ALG5: variants seen among roughly 807,000 people sequenced by gnomAD.
The protein encoded by ALG5 is dolichyl-phosphate beta-glucosyltransferase.
ALG5 carries 26 observed loss-of-function variants against 51.8 expected under a neutral mutation model. That is an observed-to-expected ratio of 0.50 (90% CI 0.37 to 0.70). ALG5 has a LOEUF of 0.70. Among genes scored for constraint, ALG5 ranks in the 30% least tolerant of loss-of-function variants. ALG5 has a pLI of 0.00. For synonymous variants in ALG5, 141 were observed against 136.1 expected (o/e 1.04, Z -0.25); for missense variants, 311 against 399.3 (o/e 0.78, Z 1.88).
At chr13:36,950,636 G>C (rs2058813995) in intron 9 of ALG5, among the ~76,000 whole-genome samples, 1 of 151,676 alleles carries the variant, frequency 6.6e-6, no homozygotes, top group Non-Finnish European at 1.5e-5. Flanking sequence ...CTGTAGTGCA[G>C]TGACACGATT....
intron 6 of ALG5, among the ~76,000 whole-genome samples, chr13:36,984,461 A>AT (rs1411629724): frequency 6.6e-6 from 1 of 152,062 alleles, no homozygotes; most frequent in African/African-American, 2.4e-5. Context: ...GTGTTGCTAA[A>AT]TTCTTATTTT....
chr13:36,995,106 T>A, intron 2 of ALG5, 71 bp from the exon 3 acceptor site: 1 of 1,365,274 alleles, frequency 7.3e-7, no homozygotes, highest in South Asian at 1.2e-5. Context: ...TCAGCTTACA[T>A]ACAGAAAAAA....
chr13:36,956,937 CGAA>C (rs1222921800), intron 8 of ALG5, among the ~76,000 whole-genome samples: 1 of 152,044 alleles, frequency 6.6e-6, no homozygotes, highest in African/African-American at 2.4e-5. Context: ...CTCCAGGAAA[CGAA>C]GCCCCAGTAC....
chr13:36,995,335 T>C (rs1403158906), intron 2 of ALG5, 90 bp downstream of exon 2: 2 of 1,340,984 alleles, frequency 1.5e-6, no homozygotes, highest in Admixed American at 2.2e-5. Flanking sequence ...CATCTATTAA[T>C]GTTTTGGCAA....
chr13:36,995,681 C>T (rs2059046285), intron 1 of ALG5, 85 bp from the exon 2 acceptor site: 16 of 1,314,046 alleles, frequency 1.2e-5, no homozygotes, highest in Non-Finnish European at 1.7e-5. Context: ...ACATCATCTA[C>T]TTTTCTTTTA....
intron 6 of ALG5, among the ~76,000 whole-genome samples, chr13:36,981,367 A>G (rs563656158): frequency 6.6e-6 from 1 of 152,342 alleles, no homozygotes; most frequent in South Asian, 2.1e-4. Context: ...CAGTCACGTA[A>G]TTATAGGACT....
rs771324068 is a variant in ALG5 at position 36,995,588 on chromosome 13, G to A, written c.75C>T (p.Ile25=). Residue 25 remains isoleucine (I), a synonymous_variant, in exon 2 of 10, where the codon ATC becomes ATT. Coordinates refer to ENST00000239891, the MANE Select transcript of ALG5 (RefSeq NM_013338.5). ...TTTTTGTAGCAGTTGTAAATGCAAC[G>A]ATGGAAATCTAAAAGCAGACATACA... ...LAAAALVLIS[I]VAFTTATKMP... is the part of the protein sequence containing the mutation. 15 of 1,597,772 alleles carry A rather than the reference G, an allele frequency of 9.4e-6. No individual in the cohort carries two copies. Among genetic ancestry groups the A allele is most frequent in the South Asian group, 6.9e-5 (6 of 86,706 alleles).
chr13:36,978,409 ACTC>A (rs563772079), intron 6 of ALG5, among the ~76,000 whole-genome samples: 1 of 148,022 alleles, frequency 6.8e-6, no homozygotes, highest in African/African-American at 2.5e-5. Flanking sequence ...CTGGTCTCAA[ACTC>A]CTGACCTCGG....
intron 1 of ALG5, chr13:36,998,961 G>C (rs932771021): frequency 4.8e-5 from 16 of 336,490 alleles, no homozygotes; most frequent in Non-Finnish European, 7.5e-5. Context: ...CGATGGAAGC[G>C]GCGATGATGC....
At chr13:36,958,940 T>C (rs951605753) in intron 8 of ALG5, among the ~76,000 whole-genome samples, 4 of 151,972 alleles carry the variant, frequency 2.6e-5, no homozygotes, top group Admixed American at 6.6e-5. Flanking sequence ...CCTCCCATTG[T>C]ATGGGAGCTC....
intron 6 of ALG5, among the ~76,000 whole-genome samples, chr13:36,980,166 G>T (rs1394621580): frequency 6.6e-6 from 1 of 152,088 alleles, no homozygotes; most frequent in Non-Finnish European, 1.5e-5. Context: ...AGGGATTTTT[G>T]ATTCTATTTA....
intron 9 of ALG5, among the ~76,000 whole-genome samples, chr13:36,951,392 A>C (rs186180734): frequency 3.0e-4 from 46 of 152,312 alleles, no homozygotes; most frequent in Admixed American, 3.0e-3. Context: ...AAGAGGTTTG[A>C]ATTCATCCTA....
intron 6 of ALG5, among the ~76,000 whole-genome samples, chr13:36,981,917 T>C (rs999996079): frequency 3.3e-5 from 5 of 152,012 alleles, no homozygotes; most frequent in African/African-American, 1.2e-4. Flanking sequence ...TGAAACCCTG[T>C]CTCTACTAAA....
intron 9 of ALG5, among the ~76,000 whole-genome samples, chr13:36,950,435 G>A (rs2058813152): frequency 6.6e-6 from 1 of 152,086 alleles, no homozygotes; most frequent in South Asian, 2.1e-4. Context: ...AGATAAATAT[G>A]ATTATTTCTA....
chr13:36,988,473 G>A (rs902055574), intron 5 of ALG5, among the ~76,000 whole-genome samples: 1 of 152,236 alleles, frequency 6.6e-6, no homozygotes. Context: ...ACTAAATGGC[G>A]TGCTGTTTTC....
intron 5 of ALG5, among the ~76,000 whole-genome samples, chr13:36,986,233 T>G (rs763496888): frequency 5.9e-5 from 9 of 152,176 alleles, no homozygotes; most frequent in Non-Finnish European, 8.8e-5. Context: ...ACTAAATTAA[T>G]TAAAGAAATA....
intron 7 of ALG5, chr13:36,968,202 A>G (rs1186434469): frequency 1.3e-5 from 2 of 157,034 alleles, no homozygotes; most frequent in Admixed American, 1.2e-4. Flanking sequence ...TGAAGCTACT[A>G]AAAGAGAGAA....
chr13:36,973,606 T>G (rs2058936411), intron 6 of ALG5, among the ~76,000 whole-genome samples: 1 of 152,134 alleles, frequency 6.6e-6, no homozygotes, highest in Non-Finnish European at 1.5e-5. Context: ...TTTAAAGAAT[T>G]GTATGATAAA....
intron 3 of ALG5, among the ~76,000 whole-genome samples, chr13:36,994,430 T>G (rs2059039643): frequency 6.6e-6 from 1 of 152,164 alleles, no homozygotes; most frequent in Non-Finnish European, 1.5e-5. Flanking sequence ...TCTCCTTATG[T>G]AGGGAAAACA....
Sources: allele counts gnomAD v4.1 joint callset (sites outside exome capture counted in the v4.1 genomes callset), GRCh38; gene constraint gnomAD v4.1.1; transcripts MANE v1.5; gene names NCBI Gene and HGNC (gene_info 2026-07-23, HGNC 2026-07-21).